Variants in PPP1R1C observed in about 807,000 individuals in gnomAD.
The protein encoded by PPP1R1C is protein phosphatase 1 regulatory subunit 1C.
In PPP1R1C, 15 loss-of-function variants were observed where a neutral mutation model predicts 17.4. That is an observed-to-expected ratio of 0.86 (90% CI 0.58 to 1.33). PPP1R1C has a LOEUF of 1.33. PPP1R1C is among the 40% of genes most tolerant of loss of function. PPP1R1C has a pLI of 0.00. For synonymous variants in PPP1R1C, 35 were observed against 43.1 expected (o/e 0.81, Z 0.73); for missense variants, 143 against 130.0 (o/e 1.10, Z -0.48).
chr2:182,024,654 C>G (rs1390068935), intron 2 of PPP1R1C, among the ~76,000 whole-genome samples: 1 of 151,590 alleles, frequency 6.6e-6, no homozygotes, highest in East Asian at 1.9e-4. Context: ...CTCAGGAGTT[C>G]GAGACCAGCC....
At chr2:182,034,771 G>A (rs1293718830) in intron 2 of PPP1R1C, among the ~76,000 whole-genome samples, 1 of 152,194 alleles carries the variant, frequency 6.6e-6, no homozygotes, top group African/African-American at 2.4e-5. Context: ...CTTATCCAAA[G>A]AGGAAAAATG....
At chr2:182,009,365 A>G (rs1456171644) in intron 2 of PPP1R1C, among the ~76,000 whole-genome samples, 1 of 152,074 alleles carries the variant, frequency 6.6e-6, no homozygotes, top group Non-Finnish European at 1.5e-5. Flanking sequence ...TTTGATTTGC[A>G]TACCTCTGAT....
At chr2:182,009,358 G>T (rs1318041236) in intron 2 of PPP1R1C, among the ~76,000 whole-genome samples, 3 of 151,998 alleles carry the variant, frequency 2.0e-5, no homozygotes, top group Non-Finnish European at 4.4e-5. Context: ...TAGTAGTTTT[G>T]ATTTGCATAC....
chr2:182,048,215 T>C (rs945594494), intron 2 of PPP1R1C, among the ~76,000 whole-genome samples: 23 of 152,324 alleles, frequency 1.5e-4, no homozygotes, highest in South Asian at 4.1e-4. Flanking sequence ...ACTTTATTAT[T>C]CTGGTGGTTT....
At chr2:181,977,766 C>A (rs1685120372) in intron 2 of PPP1R1C, among the ~76,000 whole-genome samples, 1 of 152,126 alleles carries the variant, frequency 6.6e-6, no homozygotes, top group Non-Finnish European at 1.5e-5. Flanking sequence ...GTCTCTGCTC[C>A]ACTATGTTGA....
chr2:182,086,931 CA>C lies in PPP1R1C; in HGVS notation c.241+23151del, dbSNP rs199642832. 2.6e-3 allele frequency among the ~76,000 whole-genome samples: 371 copies of C among 145,472 alleles called. 4 individuals are homozygous for C. Among genetic ancestry groups the C allele is most frequent in the African/African-American group, 8.3e-3 (328 of 39,286 alleles). ...ATCTTCACTACAGGGGAGAAAATAC[CA>C]AAAAAAAAAACAAAAACACTTCTTT... On this transcript the variant is annotated intron_variant, in intron 4 of 4. Coordinates refer to ENST00000682840, the MANE Select transcript of PPP1R1C (RefSeq NM_001080545.3).
In PPP1R1C at chr2:182,050,723, C is replaced by T. The variant is rs77078103; in HGVS notation, c.143-10719C>T. On this transcript the variant is annotated intron_variant, in intron 2 of 4. Coordinates refer to ENST00000682840, the MANE Select transcript of PPP1R1C (RefSeq NM_001080545.3). Reference sequence around the variant, plus strand: ...GTCATATCTGTTCACCTGTCATCCACAAGCCAATACTTAAACTTCGGCAAA... The same window carrying T: ...GTCATATCTGTTCACCTGTCATCCATAAGCCAATACTTAAACTTCGGCAAA... Among the ~76,000 whole-genome samples the T allele has an allele frequency of 6.6e-5, 10 of 152,286 alleles. 3 individuals carry two copies. Among genetic ancestry groups the T allele is most frequent in the African/African-American group, 2.2e-4 (9 of 41,552 alleles).
At chr2:182,075,150 C>A (rs1276559124) in intron 4 of PPP1R1C, among the ~76,000 whole-genome samples, 1 of 152,192 alleles carries the variant, frequency 6.6e-6, no homozygotes, top group Non-Finnish European at 1.5e-5. Context: ...CTATGTTGTA[C>A]TTTCATTATC....
chr2:182,008,025 G>A (rs1466920426), intron 2 of PPP1R1C, among the ~76,000 whole-genome samples: 7 of 151,646 alleles, frequency 4.6e-5, no homozygotes, highest in African/African-American at 1.5e-4. Context: ...CTGAGATCGC[G>A]CCACTGCACT....
intron 4 of PPP1R1C, among the ~76,000 whole-genome samples, chr2:182,065,053 T>C (rs1574422802): frequency 6.6e-6 from 1 of 152,136 alleles, no homozygotes; most frequent in Non-Finnish European, 1.5e-5. Flanking sequence ...TGATGTTCAT[T>C]ATATTTAGTT....
intron 2 of PPP1R1C, among the ~76,000 whole-genome samples, chr2:181,991,180 T>TTA (rs1685463969): frequency 1.3e-5 from 2 of 152,038 alleles, no homozygotes; most frequent in Admixed American, 6.6e-5. Context: ...GAAAGAATGA[T>TTA]TATATATATT....
intron 2 of PPP1R1C, among the ~76,000 whole-genome samples, chr2:181,977,210 T>C (rs989923575): frequency 2.9e-5 from 4 of 140,304 alleles, no homozygotes; most frequent in African/African-American, 1.1e-4. Context: ...TATTTCCCAC[T>C]CTTTCCCTCA....
chr2:182,080,678 C>T (rs1688449072), intron 4 of PPP1R1C, among the ~76,000 whole-genome samples: 1 of 151,798 alleles, frequency 6.6e-6, no homozygotes, highest in Admixed American at 6.6e-5. Context: ...ATTTAGTGGC[C>T]CTGCATACAA....
chr2:182,007,503 T>C (rs868777138), intron 2 of PPP1R1C, among the ~76,000 whole-genome samples: 1 of 152,206 alleles, frequency 6.6e-6, no homozygotes, highest in Non-Finnish European at 1.5e-5. Context: ...AGTGCCTTAT[T>C]TGGAATTCTA....
intron 4 of PPP1R1C, among the ~76,000 whole-genome samples, chr2:182,078,311 A>G (rs1688375652): frequency 6.6e-6 from 1 of 152,184 alleles, no homozygotes; most frequent in Non-Finnish European, 1.5e-5. Context: ...TCATCCAAGC[A>G]TATGTATTCC....
chr2:182,005,008 C>G (rs1270708326), intron 2 of PPP1R1C, among the ~76,000 whole-genome samples: 1 of 152,118 alleles, frequency 6.6e-6, no homozygotes, highest in Non-Finnish European at 1.5e-5. Flanking sequence ...TCATTCTAAT[C>G]TCATATGAAA....
intron 4 of PPP1R1C, among the ~76,000 whole-genome samples, chr2:182,080,870 T>C (rs1000933626): frequency 5.3e-5 from 8 of 152,218 alleles, no homozygotes; most frequent in Non-Finnish European, 8.8e-5. Context: ...GTTATTTAAA[T>C]TCCCTAATCA....
At chr2:181,977,875 G>A (rs970105358) in intron 2 of PPP1R1C, among the ~76,000 whole-genome samples, 3 of 152,204 alleles carry the variant, frequency 2.0e-5, no homozygotes, top group Non-Finnish European at 4.4e-5. Context: ...TGGGGTAGCT[G>A]TGATGACTCA....
At chr2:181,975,245 T>C (rs1685076845) in exon 2 of PPP1R1C, 1 of 151,692 alleles carries the variant, frequency 6.6e-6, no homozygotes. Flanking sequence ...AAGATTCTCT[T>C]TTGAAAGACA....
Sources: gnomAD v4.1 joint callset for allele counts (sites outside exome capture counted in the v4.1 genomes callset) on GRCh38, gnomAD v4.1.1 for gene constraint, MANE v1.5 for transcripts, NCBI Gene and HGNC (gene_info 2026-07-23, HGNC 2026-07-21) for gene names.